Variants in MIS18BP1 observed in about 807,000 individuals in gnomAD.
MIS18BP1 encodes the protein mis18-binding protein 1.
MIS18BP1 carries 72 observed loss-of-function variants against 116.1 expected under a neutral mutation model. The observed-to-expected ratio is 0.62, with a 90% CI of 0.51 to 0.75. The LOEUF (loss-of-function observed/expected upper bound fraction) is 0.75, where lower values mean the gene tolerates loss of function less well. Ranked by LOEUF, MIS18BP1 falls within the 30% of genes least tolerant of loss-of-function variation. The pLI is 0.00. For missense variants in MIS18BP1, 1,363 were observed against 1,303.2 expected (o/e 1.05, Z -0.71); for synonymous variants, 386 against 427.0 (o/e 0.90, Z 1.18).
At chr14:45,215,046 C>T (rs555367199) in intron 13 of MIS18BP1, among the ~76,000 whole-genome samples, 5 of 152,240 alleles carry the variant, frequency 3.3e-5, no homozygotes, top group Admixed American at 6.5e-5. Context: ...CCACCATGCC[C>T]GGCAGTTCTG....
Position 45,224,064 on chromosome 14 carries a change from T to G in MIS18BP1, c.2523A>C (p.Glu841Asp). ...TCCTAACACCAGACTTCTGAAGAGT[T>G]TCTTTGACGGAAGGTCTAGCTTTCT... ...KQKKARPSVK[E>D]TLQKSGVRKE... The change falls in exon 11 of 17, where the codon GAA (glutamate) becomes GAC (aspartate). Residue 841 changes from glutamate to aspartate, a missense_variant. By Grantham distance (45) the Glu-to-Asp change is conservative (BLOSUM62 2). Coordinates refer to ENST00000310806, the MANE Select transcript of MIS18BP1 (RefSeq NM_018353.5). The G allele has an allele frequency of 6.2e-7, 1 of 1,613,848 alleles. No homozygotes were observed. Among genetic ancestry groups the G allele is most frequent in the Non-Finnish European group, 8.5e-7 (1 of 1,179,962 alleles).
intron 8 of MIS18BP1, among the ~76,000 whole-genome samples, chr14:45,228,660 T>C (rs918678255): frequency 6.6e-6 from 1 of 152,192 alleles, no homozygotes; most frequent in African/African-American, 2.4e-5. Context: ...ATAAAAACAT[T>C]TTGTTATTTT....
In MIS18BP1 at chr14:45,235,799, ATGACAGTCAT is replaced by A; in HGVS notation, c.1348+5_1348+14del. On this transcript the variant is annotated splice_donor_5th_base_variant and intron_variant, in intron 6 of 16. Transcript: ENST00000310806. ...TACTTCTTAAAATAACTTATCAATA[ATGACAGTCAT>A]TTACCTGCTTCTTTCATGGAAATTT... is the stretch of plus-strand genomic sequence containing the variant. 1 of 1,580,204 alleles carries A rather than the reference ATGACAGTCAT, an allele frequency of 6.3e-7. No homozygotes were observed.
rs35141317 is a variant in MIS18BP1 at position 45,224,047 on chromosome 14, C to G, written c.2540G>C (p.Gly847Ala). 2.5e-6 allele frequency: 4 copies of G among 1,613,754 alleles called. No homozygotes were observed. Among genetic ancestry groups the G allele is most frequent in the Non-Finnish European group, 3.4e-6 (4 of 1,179,966 alleles). Residue 847 changes from glycine to alanine, a missense_variant, in exon 11 of 17, where the codon GGT (glycine) becomes GCT (alanine). Physicochemically the swap from Gly to Ala is moderately conservative, Grantham distance 60. Transcript: ENST00000310806. ...PSVKETLQKSGVRKEFPITEA... is the reference protein window; with the variant it reads ...PSVKETLQKSAVRKEFPITEA... Reference sequence around the variant, plus strand: ...AGTAATTGGAAACTCTTTCCTAACACCAGACTTCTGAAGAGTTTCTTTGAC... The same window carrying G: ...AGTAATTGGAAACTCTTTCCTAACAGCAGACTTCTGAAGAGTTTCTTTGAC...
Position 45,242,083 on chromosome 14 carries a change from G to A in MIS18BP1, c.1094C>T (p.Ser365Phe), listed in dbSNP as rs1891591295. Residue 365 changes from serine (S) to phenylalanine (F), a missense_variant, in exon 4 of 17, where the codon TCT becomes TTT. Physicochemically the swap from Ser to Phe is radical, Grantham distance 155. Transcript: ENST00000310806. The stretch of plus-strand genomic sequence containing the variant: ...AACAGTTTGAAATATTCTTGGAGGA[G>A]AAAGCTTTGAAATATTTCTTTTTGA... ...RRSKRNISKL[S>F]PPRIFQTVTN... 6.2e-7 allele frequency: 1 copy of A among 1,613,266 alleles called. No individual in the cohort carries two copies. Among genetic ancestry groups the A allele is most frequent in the African/African-American group, 1.3e-5 (1 of 74,840 alleles).
In MIS18BP1 at chr14:45,210,372, A is replaced by G; in HGVS notation, c.3152+8T>C. 1 of 1,612,412 alleles carries G rather than the reference A, an allele frequency of 6.2e-7. No individual in the cohort carries two copies. On this transcript the variant is annotated splice_region_variant and intron_variant, in intron 14 of 16. Coordinates refer to ENST00000310806, the MANE Select transcript of MIS18BP1 (RefSeq NM_018353.5). ...GAGAATTAACATATCATATGCATGA[A>G]TATTTACCTATTTATAGAACCTAGC...
rs11329365 is a variant in MIS18BP1, at chr14:45,237,012, C to CT, written c.1217+635dup. Among the ~76,000 whole-genome samples the CT allele has an allele frequency of 8.1e-3, 1,111 of 136,980 alleles. 5 individuals carry two copies. Among genetic ancestry groups the CT allele is most frequent in the South Asian group, 0.021 (91 of 4,298 alleles). 89.9% of individuals were successfully genotyped at this position (136,980 alleles called of 152,430 possible). ...ATATGAGTACCTTAAACAGTTATAA[C>CT]TTTTTTTTTTTTTTTTTTTGAGACA... is the stretch of plus-strand genomic sequence containing the variant. On this transcript the variant is annotated intron_variant, in intron 5 of 16. Transcript: ENST00000310806.
chr14:45,232,733 C>T lies in MIS18BP1; in HGVS notation c.1436G>A (p.Arg479Lys), dbSNP rs1266424418. 7.1e-7 allele frequency: 1 copy of T among 1,417,800 alleles called. No homozygotes were observed. 87.8% of individuals were successfully genotyped at this position (1,417,800 alleles called of 1,614,324 possible). A position where few individuals can be genotyped will look rare whatever the true frequency, so the allele number is the denominator to read the frequency against. ...EHIDNFLEQLRAGEKNREKTK... is the reference protein window; with the variant it reads ...EHIDNFLEQLKAGEKNREKTK... ...CTAAAAACATAAAACAACATTTTAC[C>T]TTAATTGTTCCAGAAAATTATCAAT... The change falls in exon 7 of 17, where the codon AGG (arginine) becomes AAG (lysine). Residue 479 changes from arginine to lysine, a missense_variant and splice_region_variant. Transcript: ENST00000310806.
intron 13 of MIS18BP1, among the ~76,000 whole-genome samples, chr14:45,215,920 G>A (rs1244360949): frequency 6.6e-6 from 1 of 151,638 alleles, no homozygotes; most frequent in Non-Finnish European, 1.5e-5. Flanking sequence ...TGGCCAGGAT[G>A]GTCTTGATCT....
chr14:45,218,445 T>A lies in MIS18BP1; in HGVS notation c.2679A>T (p.Ala893=). 6.2e-7 allele frequency: 1 copy of A among 1,603,084 alleles called. No homozygotes were observed. The highest frequency in any genetic ancestry group is 8.5e-7 in the Non-Finnish European group (1 of 1,177,562). Residue 893 remains alanine (A), a synonymous_variant, in exon 12 of 17, where the codon GCA becomes GCT. Transcript: ENST00000310806. ...KELQKLHCAF[A]SLPKHKPGFW... ...AACCAGGTTTGTGCTTTGGAAGAGA[T>A]GCAAAAGCACTATGGAAGATCAAAA...
intron 16 of MIS18BP1, 28 bp from the exon 17 acceptor site, chr14:45,204,240 A>G (rs1389413864): frequency 1.3e-5 from 20 of 1,568,244 alleles, no homozygotes; most frequent in Non-Finnish European, 1.6e-5. Context: ...ATAAAAAGAT[A>G]ATAAATTTCT....
chr14:45,247,221 T>A lies in MIS18BP1; in HGVS notation c.66A>T (p.Arg22Ser). 6.2e-7 allele frequency: 1 copy of A among 1,611,776 alleles called. No individual in the cohort carries two copies. Among genetic ancestry groups the A allele is most frequent in the Non-Finnish European group, 8.5e-7 (1 of 1,179,612 alleles). ...YLPPEASSQR[R>S]NLPMDAIFFD... ...AAAAGATTGCATCCATGGGTAGATTTCTCCTTTGAGAAGATGCCTCTGGAG... is the reference window on the plus strand; with the variant it reads ...AAAAGATTGCATCCATGGGTAGATTACTCCTTTGAGAAGATGCCTCTGGAG... Residue 22 changes from arginine to serine, a missense_variant, in exon 2 of 17, where the codon AGA (arginine) becomes AGT (serine). Coordinates refer to ENST00000310806, the MANE Select transcript of MIS18BP1 (RefSeq NM_018353.5).
At chr14:45,218,992 A>G (rs1030462972) in intron 11 of MIS18BP1, among the ~76,000 whole-genome samples, 3 of 152,150 alleles carry the variant, frequency 2.0e-5, no homozygotes. Flanking sequence ...AATAGAGAAA[A>G]CTATAAGGAA....
Position 45,210,539 on chromosome 14 carries a change from AG to A in MIS18BP1, c.3004-12del. 1 of 1,613,644 alleles carries A rather than the reference AG, an allele frequency of 6.2e-7. No homozygotes were observed. The highest frequency in any genetic ancestry group is 8.5e-7 in the Non-Finnish European group (1 of 1,179,844). On this transcript the variant is annotated splice_polypyrimidine_tract_variant and intron_variant, in intron 13 of 16. Coordinates refer to ENST00000310806, the MANE Select transcript of MIS18BP1 (RefSeq NM_018353.5). ...CTGGAAACTTGGCAACTAGAAAACAAGTATTTATTATCAGCAGGCACCCCAT... is the reference window on the plus strand; with the variant it reads ...CTGGAAACTTGGCAACTAGAAAACAATATTTATTATCAGCAGGCACCCCAT...
At chr14:45,209,520 T>C (rs1890618806) in intron 14 of MIS18BP1, among the ~76,000 whole-genome samples, 1 of 152,018 alleles carries the variant, frequency 6.6e-6, no homozygotes, top group African/African-American at 2.4e-5. Context: ...TTTGTAGAAA[T>C]GGGGTCTTCC....
intron 4 of MIS18BP1, among the ~76,000 whole-genome samples, chr14:45,239,463 GAGTC>G (rs1352898072): frequency 6.6e-6 from 1 of 151,484 alleles, no homozygotes; most frequent in East Asian, 1.9e-4. Flanking sequence ...TAAGCACAGA[GAGTC>G]AGCGCAGAGA....
At chr14:45,242,915 A>G in intron 2 of MIS18BP1, 41 bp from the exon 3 acceptor site, 1 of 1,325,990 alleles carries the variant, frequency 7.5e-7, no homozygotes, top group South Asian at 1.3e-5. Flanking sequence ...GTTGAATTGT[A>G]TTAGTCACTA....
rs576038072 is a variant in MIS18BP1 at position 45,225,402 on chromosome 14, G to A, written c.1841-656C>T. Among the ~76,000 whole-genome samples the A allele has an allele frequency of 4.6e-5, 7 of 151,738 alleles. No homozygotes were observed. The East Asian group carries it at 1.4e-3, about 29-fold the overall frequency. ...TATGGTTTGATTTTTTTTTTTGCTG[G>A]AGTTAGTACAGAGCCTTTCACATAT... On this transcript the variant is annotated intron_variant, in intron 10 of 16. Transcript: ENST00000310806.
chr14:45,207,498 A>G (rs1409665836), intron 14 of MIS18BP1, among the ~76,000 whole-genome samples: 1 of 152,162 alleles, frequency 6.6e-6, no homozygotes, highest in Non-Finnish European at 1.5e-5. Context: ...TAAAAATACA[A>G]AAATTAGCCA....
Sources: allele counts gnomAD v4.1 joint callset (sites outside exome capture counted in the v4.1 genomes callset), GRCh38; gene constraint gnomAD v4.1.1; transcripts MANE v1.5; gene names NCBI Gene and HGNC (gene_info 2026-07-23, HGNC 2026-07-21).